RSRC1: variants seen among roughly 807,000 people sequenced by gnomAD.
The protein encoded by RSRC1 is serine/Arginine-related protein 53.
In RSRC1, 39 loss-of-function variants were observed where a neutral mutation model predicts 49.1. That is an observed-to-expected ratio of 0.79 (90% CI 0.61 to 1.04). The LOEUF (loss-of-function observed/expected upper bound fraction) is 1.04. Ranked by LOEUF, RSRC1 falls within the 50% of genes least tolerant of loss-of-function variation. The pLI is 0.00. For synonymous variants in RSRC1, 143 were observed against 130.8 expected, an observed-to-expected ratio of 1.09 and a Z score of -0.63; for missense variants, 388 against 402.4, an observed-to-expected ratio of 0.96 and a Z score of 0.31.
intron 3 of RSRC1, among the ~76,000 whole-genome samples, chr3:158,170,227 GA>G (rs1718792862): frequency 6.6e-6 from 1 of 150,710 alleles, no homozygotes. Context: ...TGCAAAACTT[GA>G]AGCCAGATTT....
intron 4 of RSRC1, among the ~76,000 whole-genome samples, chr3:158,205,789 A>C (rs1300362970): frequency 6.6e-6 from 1 of 152,152 alleles, no homozygotes; most frequent in Non-Finnish European, 1.5e-5. Context: ...GTTTTGGGCC[A>C]CATATGAAAT....
intron 6 of RSRC1, among the ~76,000 whole-genome samples, chr3:158,422,164 C>T (rs1407400820): frequency 6.0e-5 from 9 of 150,520 alleles, no homozygotes; most frequent in Non-Finnish European, 1.0e-4. Flanking sequence ...CATGCTGGTG[C>T]GCTGCACCCA....
intron 4 of RSRC1, among the ~76,000 whole-genome samples, chr3:158,276,781 T>G (rs1725842843): frequency 6.6e-6 from 1 of 152,206 alleles, no homozygotes; most frequent in African/African-American, 2.4e-5. Flanking sequence ...GCATGTTATT[T>G]CTTAACTTAT....
intron 5 of RSRC1, among the ~76,000 whole-genome samples, chr3:158,352,429 G>GTA (rs1730927511): frequency 6.6e-6 from 1 of 151,824 alleles, no homozygotes; most frequent in South Asian, 2.1e-4. Flanking sequence ...TGAATGTTGG[G>GTA]TATACATTAT....
chr3:158,536,740 G>A (rs1712735302), intron 7 of RSRC1, among the ~76,000 whole-genome samples: 1 of 151,448 alleles, frequency 6.6e-6, no homozygotes, highest in Non-Finnish European at 1.5e-5. Context: ...ATAACAGAAA[G>A]TTAATGGTTA....
chr3:158,246,835 G>A (rs1024184425), intron 4 of RSRC1, among the ~76,000 whole-genome samples: 1 of 151,956 alleles, frequency 6.6e-6, no homozygotes, highest in African/African-American at 2.4e-5. Flanking sequence ...TTTTGAACTT[G>A]GATAATCTGA....
Position 158,434,310 on chromosome 3 carries a change from A to G in RSRC1, c.584-26625A>G, listed in dbSNP as rs528437072. Among the ~76,000 whole-genome samples the G allele has an allele frequency of 1.1e-3, 172 of 152,010 alleles. 1 individual carries two copies. The highest frequency in any genetic ancestry group is 4.0e-3 in the African/African-American group (166 of 41,520). Reference sequence around the variant, plus strand: ...GTAGGGTTTCAGTAAGGTAATGTCAATTTTTCTAATTCTTTATTTACAGTG... The same window carrying G: ...GTAGGGTTTCAGTAAGGTAATGTCAGTTTTTCTAATTCTTTATTTACAGTG... On this transcript the variant is annotated intron_variant, in intron 6 of 9. Transcript: ENST00000611884.
At chr3:158,164,955 T>C (rs75661928) in intron 3 of RSRC1, among the ~76,000 whole-genome samples, 5,408 of 152,238 alleles carry the variant, frequency 0.036, 313 homozygotes, top group African/African-American at 0.12. Context: ...AAATATCTTT[T>C]TGTCCCTGTT....
intron 3 of RSRC1, among the ~76,000 whole-genome samples, chr3:158,148,483 A>T (rs960872598): frequency 3.9e-5 from 6 of 152,022 alleles, no homozygotes; most frequent in Non-Finnish European, 8.8e-5. Context: ...CAGGACCTGG[A>T]TTTCAATCCC....
At chr3:158,540,858 C>G (rs1428493346) in intron 8 of RSRC1, among the ~76,000 whole-genome samples, 8 of 152,122 alleles carry the variant, frequency 5.3e-5, no homozygotes, top group Non-Finnish European at 1.2e-4. Context: ...CCATAAACAG[C>G]TATAGAACTT....
At chr3:158,522,513 T>G (rs1711742574) in intron 7 of RSRC1, among the ~76,000 whole-genome samples, 1 of 152,150 alleles carries the variant, frequency 6.6e-6, no homozygotes, top group Non-Finnish European at 1.5e-5. Context: ...ATTTAGGGCT[T>G]GTCTTGATTA....
intron 8 of RSRC1, among the ~76,000 whole-genome samples, chr3:158,543,079 A>G (rs1713130401): frequency 6.6e-6 from 1 of 152,158 alleles, no homozygotes. Context: ...AACAAATACA[A>G]TATAGTTATT....
chr3:158,418,358 C>G (rs984919934), intron 6 of RSRC1, among the ~76,000 whole-genome samples: 1 of 151,962 alleles, frequency 6.6e-6, no homozygotes, highest in Non-Finnish European at 1.5e-5. Flanking sequence ...CCTGTTCTAT[C>G]TGGAGAAACA....
rs144964555 is a variant in RSRC1, at chr3:158,259,762, A to G, written c.495-38277A>G. ...AGTAATCTACTTAGTTCTCTGTTCT[A>G]GTGCAGCTGAGCTATCACCTAAGCT... is the stretch of plus-strand genomic sequence containing the variant. On this transcript the variant is annotated intron_variant, in intron 4 of 9. Transcript: ENST00000611884. Among the ~76,000 whole-genome samples the G allele has an allele frequency of 7.4e-4, 112 of 152,238 alleles. 4 individuals carry two copies. The South Asian group carries it at 0.023, about 31-fold the overall frequency.
chr3:158,316,431 ATC>A (rs1431824487), intron 5 of RSRC1, among the ~76,000 whole-genome samples: 1 of 134,108 alleles, frequency 7.5e-6, no homozygotes, highest in African/African-American at 2.8e-5. Context: ...CCACTGCAGA[ATC>A]TCTCATTTTT....
intron 3 of RSRC1, among the ~76,000 whole-genome samples, chr3:158,146,791 T>C (rs1478744209): frequency 6.6e-6 from 1 of 152,218 alleles, no homozygotes; most frequent in Non-Finnish European, 1.5e-5. Context: ...CTATTAATTA[T>C]TGCCTCAATT....
chr3:158,376,072 C>G (rs1198254779), intron 6 of RSRC1, among the ~76,000 whole-genome samples: 1 of 150,234 alleles, frequency 6.7e-6, no homozygotes, highest in African/African-American at 2.5e-5. Context: ...CCCTCCCTCC[C>G]TCTCGACCCC....
intron 3 of RSRC1, among the ~76,000 whole-genome samples, chr3:158,142,405 T>G (rs1578128156): frequency 6.6e-6 from 1 of 152,170 alleles, no homozygotes; most frequent in Non-Finnish European, 1.5e-5. Context: ...TGGAGTACTT[T>G]TGGAGTAGTT....
chr3:158,371,383 C>T (rs1732072089), intron 6 of RSRC1, among the ~76,000 whole-genome samples: 1 of 151,682 alleles, frequency 6.6e-6, no homozygotes, highest in African/African-American at 2.4e-5. Flanking sequence ...CCCCATACCC[C>T]TTTTTTGTGA....
Sources: allele counts gnomAD v4.1 joint callset (sites outside exome capture counted in the v4.1 genomes callset), GRCh38; gene constraint gnomAD v4.1.1; transcripts MANE v1.5; gene names NCBI Gene and HGNC (gene_info 2026-07-23, HGNC 2026-07-21).